SALL3: variants seen among roughly 807,000 people sequenced by gnomAD.
SALL3 encodes the protein sal-like protein 3.
Under a neutral mutation model 66.2 loss-of-function variants are expected in SALL3, and 25 were observed. That is an observed-to-expected ratio of 0.38 (90% CI 0.28 to 0.53). The LOEUF (loss-of-function observed/expected upper bound fraction) is 0.53. Ranked by LOEUF, SALL3 falls within the 20% of genes least tolerant of loss-of-function variation. The pLI is 0.85. For synonymous variants in SALL3, 1,152 were observed against 899.1 expected (o/e 1.28, Z -5.03); for missense variants, 2,194 against 1,916.5 (o/e 1.14, Z -2.70).
chr18:78,983,919 C>T (rs1914155769), intron 1 of SALL3, among the ~76,000 whole-genome samples: 1 of 152,142 alleles, frequency 6.6e-6, no homozygotes, highest in Non-Finnish European at 1.5e-5. Flanking sequence ...TAAAAGTGCA[C>T]GTTTCTGTGA....
At chr18:78,989,313 G>A (rs1157107118) in intron 1 of SALL3, among the ~76,000 whole-genome samples, 2 of 152,198 alleles carry the variant, frequency 1.3e-5, no homozygotes, top group Non-Finnish European at 2.9e-5. Flanking sequence ...TAATGGGAAT[G>A]TAAAAATGCA....
intron 1 of SALL3, 50 bp downstream of exon 1, chr18:78,980,406 G>A (rs1343656002): frequency 2.5e-6 from 3 of 1,182,600 alleles, no homozygotes; most frequent in Admixed American, 7.9e-5. Context: ...CTGCCCGTCC[G>A]GGCTGGGGAA....
intron 1 of SALL3, among the ~76,000 whole-genome samples, chr18:78,989,163 G>A (rs1283240193): frequency 1.3e-5 from 2 of 152,006 alleles, no homozygotes; most frequent in East Asian, 1.9e-4. Context: ...AACATTCTAC[G>A]CACGGTTTCC....
chr18:78,993,213 G>A lies in SALL3; in HGVS notation c.1222G>A (p.Glu408Lys), dbSNP rs1172643527. 6.8e-6 allele frequency: 11 copies of A among 1,611,284 alleles called. No homozygotes were observed. The highest frequency in any genetic ancestry group is 8.5e-6 in the Non-Finnish European group (10 of 1,179,684). Residue 408 changes from glutamate to lysine, a missense_variant, in exon 2 of 3, where the codon GAG (glutamate) becomes AAG (lysine). Transcript: ENST00000537592. ...KGKPPNVSVFEPKASAEDPFF... is the reference protein window; with the variant it reads ...KGKPPNVSVFKPKASAEDPFF... Reference sequence around the variant, plus strand: ...CAAGCCGCCCAATGTGTCGGTGTTCGAGCCCAAAGCCAGCGCCGAGGACCC... The same window carrying A: ...CAAGCCGCCCAATGTGTCGGTGTTCAAGCCCAAAGCCAGCGCCGAGGACCC...
Position 78,992,466 on chromosome 18 carries a change from T to A in SALL3, c.475T>A (p.Tyr159Asn). The A allele has an allele frequency of 6.9e-7, 1 of 1,442,358 alleles. No homozygotes were observed. Among genetic ancestry groups the A allele is most frequent in the Middle Eastern group, 2.5e-4 (1 of 4,080 alleles). The allele number at this position is 1,442,358 out of a possible 1,614,324, so 89.3% of individuals were successfully genotyped here. The change falls in exon 2 of 3, where the codon TAC becomes AAC. Residue 159 changes from tyrosine (Y) to asparagine (N), a missense_variant. Coordinates refer to ENST00000537592, the MANE Select transcript of SALL3 (RefSeq NM_171999.4). ...PAAPAPPTPAYGAPSTNVTLE... is the reference protein window; with the variant it reads ...PAAPAPPTPANGAPSTNVTLE... ...GGCCCCTGCACCCCCAACGCCCGCC[T>A]ACGGCGCGCCCAGCACCAACGTGAC...
Position 78,992,932 on chromosome 18 carries a change from C to T in SALL3, c.941C>T (p.Pro314Leu). Residue 314 changes from proline (P) to leucine (L), a missense_variant, in exon 2 of 3, where the codon CCC (proline) becomes CTC (leucine). Coordinates refer to ENST00000537592, the MANE Select transcript of SALL3 (RefSeq NM_171999.4). ...GPAEPSAPAA[P>L]SAAPAPAAPA... ...GCGGAGCCCAGCGCGCCCGCCGCCCCCAGCGCCGCCCCTGCCCCCGCTGCC... is the reference window on the plus strand; with the variant it reads ...GCGGAGCCCAGCGCGCCCGCCGCCCTCAGCGCCGCCCCTGCCCCCGCTGCC... The T allele has an allele frequency of 9.7e-7, 1 of 1,026,200 alleles. No homozygotes were observed. Among genetic ancestry groups the T allele is most frequent in the Non-Finnish European group, 1.2e-6 (1 of 857,108 alleles). The allele number at this position is 1,026,200 out of a possible 1,614,324, so 63.6% of individuals were successfully genotyped here. A position where few individuals can be genotyped will look rare whatever the true frequency, so the allele number is the denominator to read the frequency against.
At chr18:78,985,275 G>A (rs1914206927) in intron 1 of SALL3, among the ~76,000 whole-genome samples, 1 of 152,204 alleles carries the variant, frequency 6.6e-6, no homozygotes, top group African/African-American at 2.4e-5. Context: ...CTTGCGCCGT[G>A]CTGCACGGCT....
At position 78,998,860 on chromosome 18, in the gene SALL3, G is replaced by T. The variant is rs568141176; in HGVS notation, c.*1538G>T. ...AGCTGCATCCAGCCAGGAGGGCCCC[G>T]GAGGCTGGGGCGGCCGAGGCAGCAC... On this transcript the variant is annotated 3_prime_UTR_variant, in exon 3 of 3. Coordinates refer to ENST00000537592, the MANE Select transcript of SALL3 (RefSeq NM_171999.4). 1 of 152,346 alleles carries T rather than the reference G, an allele frequency of 6.6e-6. No individual in the cohort carries two copies. The highest frequency in any genetic ancestry group is 6.5e-5 in the Admixed American group (1 of 15,298). 9.4% of individuals were successfully genotyped at this position (152,346 alleles called of 1,614,324 possible).
rs763503307 is a variant in SALL3 at position 78,994,473 on chromosome 18, T to A, written c.2482T>A (p.Ser828Thr). ...PAKPLLSYAG[S>T]CPPSPPSVIS... The stretch of plus-strand genomic sequence containing the variant: ...CAAGCCACTCCTGTCCTACGCGGGG[T>A]CCTGCCCGCCCTCCCCGCCCTCGGT... Residue 828 changes from serine (S) to threonine (T), a missense_variant, in exon 2 of 3, where the codon TCC (serine) becomes ACC (threonine). Transcript: ENST00000537592. 1.2e-6 allele frequency: 2 copies of A among 1,611,782 alleles called. No homozygotes were observed. The highest frequency in any genetic ancestry group is 1.7e-6 in the Non-Finnish European group (2 of 1,179,262).
chr18:78,982,553 T>C (rs1914109001), intron 1 of SALL3, among the ~76,000 whole-genome samples: 1 of 152,208 alleles, frequency 6.6e-6, no homozygotes, highest in African/African-American at 2.4e-5. Flanking sequence ...AGACACTCTG[T>C]TCCGTGTTAA....
In SALL3 at chr18:78,993,027, C is replaced by T. The variant is rs758723440; in HGVS notation, c.1036C>T (p.Leu346=). Reference sequence around the variant, plus strand: ...GCAGAGCGCATCCACGCCGCCTGCCCTGGCCCCGGGGTCCCTGCTGGGTGC... The same window carrying T: ...GCAGAGCGCATCCACGCCGCCTGCCTTGGCCCCGGGGTCCCTGCTGGGTGC... ...QPQSASTPPA[L]APGSLLGAAP... is the part of the protein sequence containing the mutation. Residue 346 remains leucine, a synonymous_variant, in exon 2 of 3, where the codon CTG becomes TTG. Transcript: ENST00000537592. 1.9e-6 allele frequency: 3 copies of T among 1,561,662 alleles called. No homozygotes were observed. The highest frequency in any genetic ancestry group is 2.3e-5 in the East Asian group (1 of 42,820).
At chr18:78,980,617 C>G (rs997553723) in intron 1 of SALL3, among the ~76,000 whole-genome samples, 7 of 151,704 alleles carry the variant, frequency 4.6e-5, no homozygotes, top group Non-Finnish European at 5.9e-5. Context: ...CGAAGGGCGC[C>G]GAGGCCGCGG....
chr18:78,986,303 A>G (rs760671094), intron 1 of SALL3, among the ~76,000 whole-genome samples: 11 of 152,224 alleles, frequency 7.2e-5, no homozygotes, highest in Non-Finnish European at 1.2e-4. Flanking sequence ...GGTGTGGGCC[A>G]TGGCGTCGAC....
chr18:78,981,346 G>C (rs1047108693), intron 1 of SALL3, among the ~76,000 whole-genome samples: 1 of 152,212 alleles, frequency 6.6e-6, no homozygotes, highest in Non-Finnish European at 1.5e-5. Context: ...ACGACCCCGA[G>C]CCCGCAGCAC....
Position 78,997,332 on chromosome 18 carries a change from C to T in SALL3, c.*10C>T, listed in dbSNP as rs372682650. On this transcript the variant is annotated 3_prime_UTR_variant, in exon 3 of 3. Coordinates refer to ENST00000537592, the MANE Select transcript of SALL3 (RefSeq NM_171999.4). ...GATTGGTATCAACTAGCCAGTGACT[C>T]GCTCATCTGCCCTGCCCAGGCCCAC... 2.8e-5 allele frequency: 45 copies of T among 1,608,228 alleles called. No homozygotes were observed. In the African/African-American group the frequency reaches 4.1e-4, roughly 15 times the overall value.
rs941030969 is a variant in SALL3, at chr18:78,997,551, A to C, written c.*229A>C. ...TTTAAATAAGCTTCCTTCAAAAAAA[A>C]AAGTGCTTGGAAAACCGCCTTAGGA... On this transcript the variant is annotated 3_prime_UTR_variant, in exon 3 of 3. Coordinates refer to ENST00000537592, the MANE Select transcript of SALL3 (RefSeq NM_171999.4). 2.2e-5 allele frequency: 12 copies of C among 539,768 alleles called. No individual in the cohort carries two copies. The highest frequency in any genetic ancestry group is 3.6e-5 in the Non-Finnish European group (11 of 309,432). The allele number at this position is 539,768 out of a possible 1,614,324, so 33.4% of individuals were successfully genotyped here. A position where few individuals can be genotyped will look rare whatever the true frequency, so the allele number is the denominator to read the frequency against.
Position 78,992,273 on chromosome 18 carries a change from C to G in SALL3, c.282C>G (p.Phe94Leu). Reference protein sequence around the residue: ...EDAPAPPPEDFPEPSPASSPS... With the variant: ...EDAPAPPPEDLPEPSPASSPS... Reference sequence around the variant, plus strand: ...CGCCCGCGCCGCCCCCCGAGGACTTCCCCGAGCCTTCGCCCGCCAGCTCCC... The same window carrying G: ...CGCCCGCGCCGCCCCCCGAGGACTTGCCCGAGCCTTCGCCCGCCAGCTCCC... The change falls in exon 2 of 3, where the codon TTC becomes TTG. Residue 94 changes from phenylalanine (F) to leucine (L), a missense_variant. Coordinates refer to ENST00000537592, the MANE Select transcript of SALL3 (RefSeq NM_171999.4). 5 of 1,550,466 alleles carry G rather than the reference C, an allele frequency of 3.2e-6. No homozygotes were observed. Among genetic ancestry groups the G allele is most frequent in the Non-Finnish European group, 4.3e-6 (5 of 1,156,266 alleles).
intron 1 of SALL3, among the ~76,000 whole-genome samples, chr18:78,987,361 G>C (rs760511418): frequency 5.3e-5 from 8 of 152,142 alleles, no homozygotes; most frequent in Non-Finnish European, 8.8e-5. Context: ...TAAACATTCT[G>C]TGTATATTTT....
At position 78,979,946 on chromosome 18, in the gene SALL3, G is replaced by A. The variant is rs1182494415; in HGVS notation, c.-329G>A. Among the ~76,000 whole-genome samples the A allele has an allele frequency of 6.9e-6, 1 of 144,094 alleles. No homozygotes were observed. Among genetic ancestry groups the A allele is most frequent in the Non-Finnish European group, 1.5e-5 (1 of 65,044 alleles). The allele number at this position is 144,094 out of a possible 152,430, so 94.5% of individuals were successfully genotyped here. A position where few individuals can be genotyped will look rare whatever the true frequency, so the allele number is the denominator to read the frequency against. ...CGGGGCGGCCGAGGAGCGCGGCGCC[G>A]GAGCCCGCGATGTGAGGCGGCGCCG... is the stretch of plus-strand genomic sequence containing the variant. On this transcript the variant is annotated 5_prime_UTR_variant, in exon 1 of 3. Transcript: ENST00000537592.
Sources: allele counts gnomAD v4.1 joint callset (sites outside exome capture counted in the v4.1 genomes callset), GRCh38; gene constraint gnomAD v4.1.1; transcripts MANE v1.5; gene names NCBI Gene and HGNC (gene_info 2026-07-23, HGNC 2026-07-21).